Variants in STK10 observed in about 807,000 individuals in gnomAD.
The protein encoded by STK10 is serine/threonine-protein kinase 10.
STK10 carries 78 observed loss-of-function variants against 113.8 expected under a neutral mutation model. That is an observed-to-expected ratio of 0.69 (90% CI 0.57 to 0.83). The LOEUF is 0.83. STK10 is among the 40% of genes least tolerant of loss of function. The pLI is 0.00. For missense variants in STK10, 1,109 were observed against 1,280.1 expected (o/e 0.87, Z 2.04); for synonymous variants, 465 against 494.7 (o/e 0.94, Z 0.80).
At chr5:172,172,393 C>T (rs779881559) in intron 1 of STK10, among the ~76,000 whole-genome samples, 2 of 152,194 alleles carry the variant, frequency 1.3e-5, no homozygotes, top group African/African-American at 4.8e-5. Flanking sequence ...TTGTCAAATG[C>T]TCTCCAAATG....
In STK10 at chr5:172,061,215, C is replaced by T. The variant is rs199794939; in HGVS notation, c.2136G>A (p.Arg712=). The change falls in exon 14 of 19, where the codon AGG becomes AGA. Residue 712 remains arginine (R), a synonymous_variant. Coordinates refer to ENST00000176763, the MANE Select transcript of STK10 (RefSeq NM_005990.4). The part of the protein sequence containing the change: ...QKEDLELAMK[R]LTTDNRREIC... The stretch of plus-strand genomic sequence containing the variant: ...TCTCCCGCCTGTTGTCGGTGGTGAG[C>T]CTCTTCATGGCCAGCTCCAGGTCCT... The T allele has an allele frequency of 7.4e-6, 12 of 1,613,510 alleles. No individual in the cohort carries two copies. The highest frequency in any genetic ancestry group is 1.7e-4 in the Middle Eastern group (1 of 6,060).
intron 1 of STK10, among the ~76,000 whole-genome samples, chr5:172,167,644 A>G (rs979864409): frequency 4.6e-5 from 7 of 152,190 alleles, no homozygotes; most frequent in African/African-American, 1.4e-4. Context: ...CGGAACCCAC[A>G]TGAGCTGCAC....
chr5:172,126,571 A>G (rs1769624038), intron 3 of STK10, among the ~76,000 whole-genome samples: 2 of 152,044 alleles, frequency 1.3e-5, no homozygotes, highest in Non-Finnish European at 2.9e-5. Flanking sequence ...CTCAAAAATA[A>G]ATAAATAAAA....
At chr5:172,131,391 G>A (rs138142178) in intron 2 of STK10, among the ~76,000 whole-genome samples, 1 of 152,276 alleles carries the variant, frequency 6.6e-6, no homozygotes, top group East Asian at 1.9e-4. Context: ...GGCAGTTCCT[G>A]CATCTTTCAG....
chr5:172,107,750 C>T (rs1769147912), intron 5 of STK10, 30 bp downstream of exon 5: 1 of 1,610,230 alleles, frequency 6.2e-7, no homozygotes, highest in Non-Finnish European at 8.5e-7. Flanking sequence ...ACATCCAGTC[C>T]ATTCCATTTC....
Position 172,044,273 on chromosome 5 carries a change from C to T in STK10, c.*609G>A, listed in dbSNP as rs1344795046. 1.3e-5 allele frequency: 2 copies of T among 155,336 alleles called. No individual in the cohort carries two copies. The highest frequency in any genetic ancestry group is 2.9e-5 in the Non-Finnish European group (2 of 70,040). The allele number at this position is 155,336 out of a possible 1,614,324, so 9.6% of individuals were successfully genotyped here. A position where few individuals can be genotyped will look rare whatever the true frequency, so the allele number is the denominator to read the frequency against. On this transcript the variant is annotated 3_prime_UTR_variant, in exon 19 of 19. Transcript: ENST00000176763. The surrounding 1 kb of genome is among the most constrained non-coding windows in gnomAD (Gnocchi z 4.5). Reference sequence around the variant, plus strand: ...GGAGAAGCAGAATAAACATTTCAGCCTCCCTCTTTCCCCGGTCCCCGCCCC... The same window carrying T: ...GGAGAAGCAGAATAAACATTTCAGCTTCCCTCTTTCCCCGGTCCCCGCCCC...
At chr5:172,094,513 G>C (rs1408497622) in intron 8 of STK10, among the ~76,000 whole-genome samples, 1 of 152,042 alleles carries the variant, frequency 6.6e-6, no homozygotes, top group African/African-American at 2.4e-5. Context: ...CTCCCGAGTA[G>C]CTGGGACTAC....
intron 2 of STK10, among the ~76,000 whole-genome samples, chr5:172,143,506 C>T (rs1349537418): frequency 6.6e-6 from 1 of 152,184 alleles, no homozygotes; most frequent in Non-Finnish European, 1.5e-5. Context: ...AAGAGCATGT[C>T]CTGGGTACAC....
chr5:172,097,132 A>G (rs1561806058), intron 7 of STK10, among the ~76,000 whole-genome samples: 2 of 152,280 alleles, frequency 1.3e-5, no homozygotes, highest in Middle Eastern at 3.4e-3. Context: ...TCCACCTACC[A>G]GGTTCAAGGG....
chr5:172,165,014 C>T (rs1395821132), intron 1 of STK10, among the ~76,000 whole-genome samples: 1 of 152,312 alleles, frequency 6.6e-6, no homozygotes, highest in South Asian at 2.1e-4. Context: ...CCCTTGTACC[C>T]GCAAGGGGCC....
chr5:172,157,196 G>T (rs1216208564), intron 1 of STK10, among the ~76,000 whole-genome samples: 1 of 152,182 alleles, frequency 6.6e-6, no homozygotes, highest in Non-Finnish European at 1.5e-5. Context: ...GAAAGATACT[G>T]CCTGACAGCA....
intron 16 of STK10, among the ~76,000 whole-genome samples, chr5:172,054,903 T>C (rs909060987): frequency 1.3e-5 from 2 of 151,832 alleles, no homozygotes; most frequent in Non-Finnish European, 2.9e-5. Flanking sequence ...CCCAGGCTGG[T>C]GGGGACATGA....
At chr5:172,171,914 G>C (rs1451878783) in intron 1 of STK10, among the ~76,000 whole-genome samples, 1 of 152,096 alleles carries the variant, frequency 6.6e-6, no homozygotes, top group East Asian at 1.9e-4. Context: ...GGACACAGTG[G>C]CTCACACCTG....
chr5:172,062,356 C>G (rs550306652), intron 13 of STK10, among the ~76,000 whole-genome samples: 1 of 152,102 alleles, frequency 6.6e-6, no homozygotes, highest in African/African-American at 2.4e-5. Flanking sequence ...TTGGCAGCTG[C>G]GGTAGGTATG....
At chr5:172,061,084 G>A (rs1767922724) in intron 14 of STK10, 55 bp downstream of exon 14, 1 of 1,549,000 alleles carries the variant, frequency 6.5e-7, no homozygotes, top group Non-Finnish European at 8.7e-7. Context: ...TCCCAGGGCT[G>A]GGATGTCCAC....
chr5:172,123,394 T>C (rs1331872979), intron 3 of STK10, among the ~76,000 whole-genome samples: 4 of 152,170 alleles, frequency 2.6e-5, no homozygotes, highest in Non-Finnish European at 5.9e-5. Context: ...CGAGGAGAAC[T>C]GGGACGGGAG....
intron 3 of STK10, among the ~76,000 whole-genome samples, chr5:172,119,660 C>T (rs578010083): frequency 2.0e-5 from 3 of 151,792 alleles, no homozygotes; most frequent in Admixed American, 1.3e-4. Context: ...GTCAGGAGAT[C>T]GAGACCATCC....
chr5:172,158,982 G>A (rs1428412829), intron 1 of STK10, among the ~76,000 whole-genome samples: 1 of 152,130 alleles, frequency 6.6e-6, no homozygotes, highest in Non-Finnish European at 1.5e-5. Context: ...ACACAGCTGT[G>A]AACTGATTTA....
At chr5:172,178,973 C>T (rs1054001484) in intron 1 of STK10, among the ~76,000 whole-genome samples, 1 of 152,188 alleles carries the variant, frequency 6.6e-6, no homozygotes, top group African/African-American at 2.4e-5. Flanking sequence ...TACGTAACAG[C>T]TCCATAACAA....
Sources: allele counts gnomAD v4.1 joint callset (sites outside exome capture counted in the v4.1 genomes callset), GRCh38; gene constraint gnomAD v4.1.1; non-coding constraint Gnocchi (gnomAD v3.1); transcripts MANE v1.5; gene names NCBI Gene and HGNC (gene_info 2026-07-23, HGNC 2026-07-21).